The following SH3KBP1 variants were observed in gnomAD, a reference collection of about 807,000 sequenced individuals.
SH3KBP1 encodes the protein SH3 domain-containing kinase-binding protein 1.
Under a neutral mutation model 50.1 loss-of-function variants are expected in SH3KBP1, and 8 were observed. The observed-to-expected ratio is 0.16, with a 90% CI of 0.09 to 0.29. The LOEUF is 0.29. Among genes scored for constraint, SH3KBP1 ranks in the 10% least tolerant of loss-of-function variants. The pLI is 1.00. For missense variants in SH3KBP1, 377 were observed against 535.2 expected, an observed-to-expected ratio of 0.70 and a Z score of 2.92; for synonymous variants, 227 against 218.6, an observed-to-expected ratio of 1.04 and a Z score of -0.34.
intron 4 of SH3KBP1, among the ~76,000 whole-genome samples, chrX:19,699,307 T>A (rs143559857): frequency 4.2e-3 from 469 of 112,456 alleles, no homozygotes; most frequent in Non-Finnish European, 7.0e-3. Flanking sequence ...TGTAACAAAG[T>A]AGGGATTACG....
rs1485474075 is a variant in SH3KBP1, at chrX:19,691,352, C to CTATA, written c.520+4259_520+4260insTATA. 3.8e-3 allele frequency among the ~76,000 whole-genome samples: 340 copies of CTATA among 89,372 alleles called. 4 individuals carry two copies. The highest frequency in any genetic ancestry group is 0.015 in the African/African-American group (315 of 20,959). 77.6% of individuals were successfully genotyped at this position (89,372 alleles called of 115,157 possible). ...TCTCTCTCTCTCTCTCTCTCTCTCT[C>CTATA]TCTCTATATATATATATATCTTTTG... On this transcript the variant is annotated intron_variant, in intron 5 of 17. Coordinates refer to ENST00000397821, the MANE Select transcript of SH3KBP1 (RefSeq NM_031892.3).
At chrX:19,595,124 T>C (rs2066863141) in intron 9 of SH3KBP1, 124 bp from the exon 10 acceptor site, 2 of 516,848 alleles carry the variant, frequency 3.9e-6, no homozygotes, top group African/African-American at 4.7e-5. Flanking sequence ...CCAAAAAAAT[T>C]GAGCAATTCT....
At position 19,715,694 on chromosome X, in the gene SH3KBP1, G is replaced by A. The variant is rs1245718431; in HGVS notation, c.287-8710C>T. Among the ~76,000 whole-genome samples, 4 of 112,324 alleles carry A rather than the reference G, an allele frequency of 3.6e-5. No homozygotes were observed. The Admixed American group carries it at 3.8e-4, about 11-fold the overall frequency. On this transcript the variant is annotated intron_variant, in intron 3 of 17. Coordinates refer to ENST00000397821, the MANE Select transcript of SH3KBP1 (RefSeq NM_031892.3). ...GGTTATTTTAGGTCCTACATTCGGT[G>A]TCTTTTCCCACAAGGGAGAGAACTC...
chrX:19,843,693 C>A (rs1297736850), intron 1 of SH3KBP1, among the ~76,000 whole-genome samples: 1 of 111,661 alleles, frequency 9.0e-6, no homozygotes, highest in East Asian at 2.8e-4. Flanking sequence ...AGGCAGCACA[C>A]CTGTGGCTGG....
At chrX:19,750,340 G>A (rs1017713567) in intron 2 of SH3KBP1, among the ~76,000 whole-genome samples, 4 of 111,606 alleles carry the variant, frequency 3.6e-5, no homozygotes, top group African/African-American at 9.8e-5. Flanking sequence ...GATTACAGGC[G>A]AGAGCTCATC....
chrX:19,735,413 G>C (rs1204365321), intron 3 of SH3KBP1, among the ~76,000 whole-genome samples: 2 of 109,759 alleles, frequency 1.8e-5, no homozygotes, highest in African/African-American at 6.6e-5. Flanking sequence ...ATTAATTTGA[G>C]ATCTGTCTTC....
chrX:19,592,066 C>T lies in SH3KBP1; in HGVS notation c.1138+1G>A. The T allele has an allele frequency of 8.4e-7, 1 of 1,194,947 alleles. No individual in the cohort carries two copies. Among genetic ancestry groups the T allele is most frequent in the Non-Finnish European group, 1.1e-6 (1 of 881,011 alleles). On this transcript the variant is annotated splice_donor_variant, in intron 11 of 17. Transcript: ENST00000397821. LOFTEE classifies it high-confidence loss of function. ...GTGCCAATGAAGAATTGATTTCATA[C>T]CTTTTTCTTCTGTTCTGTTTGGAAG...
chrX:19,812,229 T>C (rs2067225688), intron 2 of SH3KBP1, among the ~76,000 whole-genome samples: 1 of 111,318 alleles, frequency 9.0e-6, no homozygotes, highest in Admixed American at 9.5e-5. Flanking sequence ...AATAGACAGC[T>C]AAGAGCAAAA....
At chrX:19,749,474 T>C (rs2065006887) in intron 2 of SH3KBP1, among the ~76,000 whole-genome samples, 2 of 112,989 alleles carry the variant, frequency 1.8e-5, no homozygotes, top group Non-Finnish European at 3.7e-5. Flanking sequence ...TGGAATATTA[T>C]ACAGCCTCGA....
At chrX:19,659,395 A>C (rs2062394262) in intron 6 of SH3KBP1, among the ~76,000 whole-genome samples, 1 of 109,366 alleles carries the variant, frequency 9.1e-6, no homozygotes, top group African/African-American at 3.4e-5. Context: ...GATTACAAGC[A>C]TGAGCCACTG....
At chrX:19,880,431 T>C (rs149555670) in intron 1 of SH3KBP1, among the ~76,000 whole-genome samples, 1,866 of 113,070 alleles carry the variant, frequency 0.017, 25 homozygotes, top group South Asian at 0.031. Flanking sequence ...CAGTTGGAGA[T>C]GGAGACTTAA....
In SH3KBP1 at chrX:19,570,294, G is replaced by C. The variant is rs559809124; in HGVS notation, c.1299-1106C>G. On this transcript the variant is annotated intron_variant, in intron 12 of 17. Coordinates refer to ENST00000397821, the MANE Select transcript of SH3KBP1 (RefSeq NM_031892.3). ...GTCAGTGCAGGAGATCTGTGAGGCA[G>C]AGGGTAGTGGGCAAGGAGGTGGTGT... Among the ~76,000 whole-genome samples, 32 of 112,177 alleles carry C rather than the reference G, an allele frequency of 2.9e-4. No homozygotes were observed. The South Asian group carries it at 0.011, about 40-fold the overall frequency.
intron 2 of SH3KBP1, among the ~76,000 whole-genome samples, chrX:19,821,175 GA>G (rs2067513373): frequency 8.9e-6 from 1 of 112,057 alleles, no homozygotes; most frequent in African/African-American, 3.2e-5. Flanking sequence ...TGGATTACCT[GA>G]TGCCAGGAGT....
intron 3 of SH3KBP1, among the ~76,000 whole-genome samples, chrX:19,728,760 A>G (rs1158290332): frequency 1.8e-5 from 2 of 111,810 alleles, no homozygotes; most frequent in Admixed American, 1.9e-4. Flanking sequence ...TAATAACCAA[A>G]TGAGGGCTCA....
intron 2 of SH3KBP1, among the ~76,000 whole-genome samples, chrX:19,829,343 C>T (rs1324576640): frequency 1.8e-5 from 2 of 110,230 alleles, no homozygotes; most frequent in Non-Finnish European, 3.8e-5. Context: ...CTAGTACAGG[C>T]AAAACTAATG....
chrX:19,720,374 T>G (rs992919681), intron 3 of SH3KBP1, among the ~76,000 whole-genome samples: 8 of 111,179 alleles, frequency 7.2e-5, no homozygotes, highest in African/African-American at 2.6e-4. Flanking sequence ...AGAGGGAGTC[T>G]GGATTTTCAG....
intron 13 of SH3KBP1, among the ~76,000 whole-genome samples, chrX:19,551,550 C>CTTTTTTTTTTTTTT (rs397800260): frequency 7.4e-5 from 7 of 95,169 alleles, no homozygotes; most frequent in African/African-American, 3.0e-4. Context: ...CTCCCTCCCT[C>CTTTTTTTTTTTTTT]TTTTTTTTTT....
intron 2 of SH3KBP1, among the ~76,000 whole-genome samples, chrX:19,789,313 C>T (rs1295728486): frequency 9.0e-6 from 1 of 111,173 alleles, no homozygotes; most frequent in African/African-American, 3.3e-5. Context: ...CTCTTCTTGT[C>T]AACTCAGGGT....
At chrX:19,684,049 G>A (rs1323415297) in intron 5 of SH3KBP1, 21 bp from the exon 6 acceptor site, 1 of 1,161,057 alleles carries the variant, frequency 8.6e-7, no homozygotes, top group Non-Finnish European at 1.2e-6. Flanking sequence ...TGGGGATGGG[G>A]AGAGAAAGAG....
Sources: gnomAD v4.1 joint callset for allele counts (sites outside exome capture counted in the v4.1 genomes callset) on GRCh38, gnomAD v4.1.1 for gene constraint, MANE v1.5 for transcripts, NCBI Gene and HGNC (gene_info 2026-07-23, HGNC 2026-07-21) for gene names.